The following LRCH1 variants were observed in gnomAD, a reference collection of about 807,000 sequenced individuals.
The protein encoded by LRCH1 is leucine rich repeats and calponin homology domain containing 1.
Under a neutral mutation model 94.9 loss-of-function variants are expected in LRCH1, and 23 were observed. The observed-to-expected ratio is 0.24, with a 90% CI of 0.17 to 0.34. The LOEUF is 0.34. LRCH1 is among the 10% of genes least tolerant of loss of function. The pLI, the probability that LRCH1 is intolerant of heterozygous loss-of-function variation, is 1.00. For synonymous variants in LRCH1, 364 were observed against 354.9 expected, an observed-to-expected ratio of 1.03 and a Z score of -0.29; for missense variants, 790 against 945.9, an observed-to-expected ratio of 0.84 and a Z score of 2.16.
At chr13:46,715,113 C>T (rs780195781) in intron 15 of LRCH1, among the ~76,000 whole-genome samples, 16 of 152,086 alleles carry the variant, frequency 1.1e-4, no homozygotes, top group South Asian at 4.1e-4. Flanking sequence ...GATATATTTA[C>T]GCATATTAAG....
chr13:46,587,619 G>A (rs1206807758), intron 1 of LRCH1, among the ~76,000 whole-genome samples: 1 of 152,136 alleles, frequency 6.6e-6, no homozygotes, highest in Non-Finnish European at 1.5e-5. Flanking sequence ...TCTTTTAACG[G>A]TCATGGTTAG....
rs752542563 is a variant in LRCH1, at chr13:46,723,319, C to A, written c.1858C>A (p.Gln620Lys). 1.9e-5 allele frequency: 30 copies of A among 1,606,898 alleles called. No homozygotes were observed. Among genetic ancestry groups the A allele is most frequent in the Middle Eastern group, 3.3e-4 (2 of 6,070 alleles). The change falls in exon 17 of 20, where the codon CAA (glutamine) becomes AAA (lysine). Residue 620 changes from glutamine (Q) to lysine (K), a missense_variant. Physicochemically the swap from Gln to Lys is moderately conservative, Grantham distance 53 (BLOSUM62 1). This residue lies in a region of LRCH1 where 460 missense variants were observed against 508.9 expected (regional missense o/e 0.90). Transcript: ENST00000389797. ...GAGAGAAGAGAAAGAGCTGGTGGAACAACTTCGTGAGGTACCCAAGAAATA... is the reference window on the plus strand; with the variant it reads ...GAGAGAAGAGAAAGAGCTGGTGGAAAAACTTCGTGAGGTACCCAAGAAATA... ...QMREEKELVE[Q>K]LRESIEMRLK...
intron 1 of LRCH1, among the ~76,000 whole-genome samples, chr13:46,613,479 C>T (rs1393158060): frequency 6.6e-6 from 1 of 152,192 alleles, no homozygotes; most frequent in East Asian, 1.9e-4. Flanking sequence ...CCTCCCTCTC[C>T]CTTCCTTAAT....
intron 1 of LRCH1, among the ~76,000 whole-genome samples, chr13:46,555,746 A>G (rs1226035454): frequency 6.6e-6 from 1 of 152,242 alleles, no homozygotes; most frequent in Non-Finnish European, 1.5e-5. Flanking sequence ...AGTCAACCCC[A>G]TCAGAAAAGT....
intron 1 of LRCH1, among the ~76,000 whole-genome samples, chr13:46,629,989 A>G (rs1478521356): frequency 1.3e-5 from 2 of 152,244 alleles, no homozygotes; most frequent in East Asian, 3.8e-4. Context: ...AAGGCAGGGA[A>G]GGAAAGTGAG....
At chr13:46,709,570 C>T (rs1470311233) in intron 13 of LRCH1, among the ~76,000 whole-genome samples, 1 of 152,146 alleles carries the variant, frequency 6.6e-6, no homozygotes, top group African/African-American at 2.4e-5. Flanking sequence ...TGTCTTTGAG[C>T]TTTCACTCTC....
At chr13:46,572,796 T>TC (rs1353475368) in intron 1 of LRCH1, among the ~76,000 whole-genome samples, 1 of 152,126 alleles carries the variant, frequency 6.6e-6, no homozygotes, top group African/African-American at 2.4e-5. Context: ...CATTCATCCA[T>TC]CCAGCAAATA....
At chr13:46,586,425 T>C (rs980182422) in intron 1 of LRCH1, among the ~76,000 whole-genome samples, 2 of 152,166 alleles carry the variant, frequency 1.3e-5, no homozygotes, top group Non-Finnish European at 2.9e-5. Context: ...GTTTTTGTTT[T>C]TGTTTTTTGA....
At chr13:46,631,549 A>G (rs1033214566) in intron 1 of LRCH1, among the ~76,000 whole-genome samples, 1 of 152,150 alleles carries the variant, frequency 6.6e-6, no homozygotes, top group African/African-American at 2.4e-5. Flanking sequence ...AAGCTAGAGA[A>G]CTTGAGTTTG....
At chr13:46,657,183 A>G (rs1487234903) in intron 2 of LRCH1, among the ~76,000 whole-genome samples, 3 of 151,818 alleles carry the variant, frequency 2.0e-5, no homozygotes, top group Non-Finnish European at 4.4e-5. Context: ...TGTTGTATAT[A>G]TTATTTTGTT....
chr13:46,730,716 T>G lies in LRCH1; in HGVS notation c.2007+1732T>G, dbSNP rs370866491. Among the ~76,000 whole-genome samples, 16 of 152,258 alleles carry G rather than the reference T, an allele frequency of 1.1e-4. No individual in the cohort carries two copies. The East Asian group carries it at 2.7e-3, about 26-fold the overall frequency. On this transcript the variant is annotated intron_variant, in intron 18 of 19. Transcript: ENST00000389797. The stretch of plus-strand genomic sequence containing the variant: ...TGTTCCATGATCCAATATGAAACAC[T>G]CCAGTATCTTTTACAAATGAGGTCC...
At chr13:46,699,675 A>G (rs1028322771) in intron 10 of LRCH1, among the ~76,000 whole-genome samples, 2 of 152,204 alleles carry the variant, frequency 1.3e-5, no homozygotes, top group South Asian at 2.1e-4. Context: ...TAGAATTTCT[A>G]GATTGGAGGT....
At chr13:46,732,795 T>C (rs1566256170) in intron 18 of LRCH1, among the ~76,000 whole-genome samples, 1 of 152,182 alleles carries the variant, frequency 6.6e-6, no homozygotes, top group Non-Finnish European at 1.5e-5. Context: ...GCACAAGGCT[T>C]CATGCAGTGG....
intron 19 of LRCH1, among the ~76,000 whole-genome samples, chr13:46,741,402 A>G (rs543299185): frequency 1.3e-5 from 2 of 152,322 alleles, no homozygotes; most frequent in South Asian, 4.1e-4. Context: ...CCGTTCCTCC[A>G]TGGCGAGATT....
At position 46,741,887 on chromosome 13, in the gene LRCH1, T is replaced by C; in HGVS notation, c.*39T>C. The C allele has an allele frequency of 6.2e-7, 1 of 1,611,684 alleles. No individual in the cohort carries two copies. Among genetic ancestry groups the C allele is most frequent in the Non-Finnish European group, 8.5e-7 (1 of 1,179,084 alleles). On this transcript the variant is annotated 3_prime_UTR_variant, in exon 20 of 20. Coordinates refer to ENST00000389797, the MANE Select transcript of LRCH1 (RefSeq NM_001164211.2). The stretch of plus-strand genomic sequence containing the variant: ...ATCCAAACGCTGTGCTCTGTCGCCC[T>C]CAACCTTTGCAGGGTCCTTCCTACC...
At chr13:46,694,162 A>T (rs1871056083) in intron 8 of LRCH1, among the ~76,000 whole-genome samples, 1 of 152,358 alleles carries the variant, frequency 6.6e-6, no homozygotes, top group Non-Finnish European at 1.5e-5. Flanking sequence ...GAATTATGTA[A>T]TTTGTTACTA....
At chr13:46,563,942 G>A (rs1566144913) in intron 1 of LRCH1, among the ~76,000 whole-genome samples, 1 of 152,114 alleles carries the variant, frequency 6.6e-6, no homozygotes, top group Non-Finnish European at 1.5e-5. Context: ...ATGAAGGGAA[G>A]GCTTTCCCTC....
intron 9 of LRCH1, among the ~76,000 whole-genome samples, chr13:46,696,712 A>G (rs901758728): frequency 6.6e-6 from 1 of 152,332 alleles, no homozygotes; most frequent in Non-Finnish European, 1.5e-5. Flanking sequence ...CAACAAGTTA[A>G]GGAAAAATTG....
At chr13:46,663,001 A>G (rs1159138102) in intron 2 of LRCH1, among the ~76,000 whole-genome samples, 1 of 152,182 alleles carries the variant, frequency 6.6e-6, no homozygotes, top group Non-Finnish European at 1.5e-5. Context: ...TGTAGCTTTC[A>G]AGACTTGTTT....
Sources: gnomAD v4.1 joint callset for allele counts (sites outside exome capture counted in the v4.1 genomes callset) on GRCh38, gnomAD v4.1.1 for gene constraint, gnomAD v4.1.1 regional missense constraint, MANE v1.5 for transcripts, NCBI Gene and HGNC (gene_info 2026-07-23, HGNC 2026-07-21) for gene names.